The following SLC25A26 variants were observed in gnomAD, a reference collection of about 807,000 sequenced individuals.
The protein encoded by SLC25A26 is solute carrier family 25 member 26.
Under a neutral mutation model 37.8 loss-of-function variants are expected in SLC25A26, and 36 were observed. The observed-to-expected ratio is 0.95, with a 90% CI of 0.73 to 1.26. The LOEUF (loss-of-function observed/expected upper bound fraction) is 1.26, where lower values mean the gene tolerates loss of function less well. Ranked by LOEUF, SLC25A26 falls within the 50% of genes most tolerant of loss-of-function variation. The pLI, the probability that SLC25A26 is intolerant of heterozygous loss-of-function variation, is 0.00. For missense variants in SLC25A26, 390 were observed against 331.1 expected, an observed-to-expected ratio of 1.18 and a Z score of -1.38; for synonymous variants, 129 against 122.5, an observed-to-expected ratio of 1.05 and a Z score of -0.35.
intron 5 of SLC25A26, among the ~76,000 whole-genome samples, chr3:66,273,541 C>A (rs924882284): frequency 7.9e-5 from 12 of 152,116 alleles, no homozygotes; most frequent in East Asian, 3.9e-4. Context: ...AGCTGATAAG[C>A]AACTTCAGCA....
chr3:66,222,218 T>C (rs2071529867), intron 1 of SLC25A26, among the ~76,000 whole-genome samples: 1 of 151,652 alleles, frequency 6.6e-6, no homozygotes, highest in African/African-American at 2.4e-5. Flanking sequence ...GTCTCACTCT[T>C]CGCCCAGGCT....
At chr3:66,314,594 G>A (rs2075477968) in intron 5 of SLC25A26, among the ~76,000 whole-genome samples, 1 of 151,918 alleles carries the variant, frequency 6.6e-6, no homozygotes, top group Admixed American at 6.6e-5. Context: ...GTTGTTGTAT[G>A]TCTGCCAGGT....
intron 5 of SLC25A26, among the ~76,000 whole-genome samples, chr3:66,274,521 C>G (rs1004869022): frequency 8.6e-5 from 13 of 152,028 alleles, no homozygotes; most frequent in African/African-American, 2.7e-4. Flanking sequence ...GGCTAATATC[C>G]GGAATCTACA....
chr3:66,354,604 AC>A (rs34027125), intron 6 of SLC25A26, among the ~76,000 whole-genome samples: 1 of 152,164 alleles, frequency 6.6e-6, no homozygotes, highest in African/African-American at 2.4e-5. Flanking sequence ...AATGTCTACC[AC>A]CACCCTACCC....
At chr3:66,217,371 A>C (rs1444044545), upstream of SLC25A26, among the ~76,000 whole-genome samples, 2 of 152,240 alleles carry the variant, frequency 1.3e-5, no homozygotes, top group African/African-American at 4.8e-5. Context: ...TTGATAACTT[A>C]TCAGTCTCTC....
intron 1 of SLC25A26, among the ~76,000 whole-genome samples, chr3:66,230,410 G>A (rs1339079197): frequency 3.9e-5 from 6 of 152,112 alleles, no homozygotes; most frequent in Non-Finnish European, 8.8e-5. Flanking sequence ...CTTTAAGAAC[G>A]GAGAGGATTT....
chr3:66,175,160 C>T (rs1576612658), intron 1 of SLC25A26, among the ~76,000 whole-genome samples: 1 of 114,290 alleles, frequency 8.7e-6, no homozygotes, highest in Non-Finnish European at 1.9e-5. Context: ...CACACACACA[C>T]ATTATATGTA....
intron 1 of SLC25A26, among the ~76,000 whole-genome samples, chr3:66,227,098 A>AT (rs200643429): frequency 0.015 from 2,341 of 152,212 alleles, 50 homozygotes; most frequent in African/African-American, 0.044. Context: ...CTAACATTTT[A>AT]TTTTTTGTGC....
chr3:66,149,350 A>G (rs2070166276), intron 1 of SLC25A26, among the ~76,000 whole-genome samples: 1 of 152,202 alleles, frequency 6.6e-6, no homozygotes, highest in Non-Finnish European at 1.5e-5. Context: ...AAGATGGAAG[A>G]AAAACACAGG....
chr3:66,291,736 A>C (rs1484668179), intron 5 of SLC25A26, among the ~76,000 whole-genome samples: 1 of 152,122 alleles, frequency 6.6e-6, no homozygotes, highest in Non-Finnish European at 1.5e-5. Flanking sequence ...GGTCAATTTT[A>C]GAATAAGTGC....
intron 1 of SLC25A26, among the ~76,000 whole-genome samples, chr3:66,190,167 T>G (rs926695839): frequency 6.6e-6 from 1 of 151,992 alleles, no homozygotes; most frequent in African/African-American, 2.4e-5. Flanking sequence ...TTTAAAAAAT[T>G]AGCCAAATAT....
chr3:66,139,896 A>G (rs1310494193), intron 1 of SLC25A26, among the ~76,000 whole-genome samples: 1 of 152,222 alleles, frequency 6.6e-6, no homozygotes, highest in Non-Finnish European at 1.5e-5. Context: ...TAGTTTAAGG[A>G]TTTATGGCCC....
chr3:66,362,277 G>A (rs2076726043), intron 6 of SLC25A26, among the ~76,000 whole-genome samples: 2 of 152,106 alleles, frequency 1.3e-5, no homozygotes, highest in Admixed American at 1.3e-4. Context: ...GCCCCAAACT[G>A]GAAAAATCCC....
Position 66,172,433 on chromosome 3 carries a change from A to C in SLC25A26, c.-354+38449A>C, listed in dbSNP as rs548307189. On this transcript the variant is annotated intron_variant, in intron 1 of 10. Transcript: ENST00000676754. ...AAGAAAAAAAAAAAAAAAAAAAAGG[A>C]AAAGAAAGAGGGAGAAAGAGAGAAA... 1.1e-3 allele frequency among the ~76,000 whole-genome samples: 166 copies of C among 149,138 alleles called. 2 individuals are homozygous for C. Among genetic ancestry groups the C allele is most frequent in the African/African-American group, 3.9e-3 (156 of 40,282 alleles).
chr3:66,299,490 A>T (rs1233733270), intron 5 of SLC25A26, among the ~76,000 whole-genome samples: 1 of 152,136 alleles, frequency 6.6e-6, no homozygotes, highest in Non-Finnish European at 1.5e-5. Flanking sequence ...GTGCTTGGCA[A>T]ACAAACTTTT....
chr3:66,324,674 C>T (rs923293107), intron 5 of SLC25A26, among the ~76,000 whole-genome samples: 4 of 152,090 alleles, frequency 2.6e-5, no homozygotes, highest in African/African-American at 4.8e-5. Context: ...GGCCTACACC[C>T]AGGAATGAAC....
At chr3:66,141,454 A>C (rs1256600728) in intron 1 of SLC25A26, among the ~76,000 whole-genome samples, 2 of 152,034 alleles carry the variant, frequency 1.3e-5, no homozygotes, top group African/African-American at 2.4e-5. Context: ...TAGGATTGTC[A>C]TGAGGATGAT....
intron 5 of SLC25A26, chr3:66,293,160 G>T (rs1430567005): frequency 6.6e-6 from 1 of 152,042 alleles, no homozygotes; most frequent in African/African-American, 2.4e-5. Context: ...CTTGCACAGG[G>T]CCCATGCTAA....
At chr3:66,173,202 C>T (rs1177759631) in intron 1 of SLC25A26, among the ~76,000 whole-genome samples, 1 of 152,234 alleles carries the variant, frequency 6.6e-6, no homozygotes, top group African/African-American at 2.4e-5. Context: ...GTTGTCCTGA[C>T]TTGGATCACA....
Sources: allele counts gnomAD v4.1 joint callset (sites outside exome capture counted in the v4.1 genomes callset), GRCh38; gene constraint gnomAD v4.1.1; transcripts MANE v1.5; gene names NCBI Gene and HGNC (gene_info 2026-07-23, HGNC 2026-07-21).